The following CSNK2A2IP variants were observed in gnomAD, a reference collection of about 807,000 sequenced individuals.
CSNK2A2IP encodes casein kinase 2 subunit alpha' interacting protein, also known as casein kinase II subunit alpha'-interacting protein.
the CSNK2A2IP span, among the ~76,000 whole-genome samples, chr3:88,427,538 T>TA: frequency 6.6e-6 from 1 of 152,118 alleles, no homozygotes; most frequent in African/African-American, 2.4e-5. Flanking sequence ...GCATAAGAGG[T>TA]AAAAATAGTT....
chr3:88,370,238 G>T, the CSNK2A2IP span, among the ~76,000 whole-genome samples: 1 of 151,872 alleles, frequency 6.6e-6, no homozygotes, highest in Non-Finnish European at 1.5e-5. Context: ...AGGTGCCATA[G>T]TAAACTATAT....
At chr3:88,356,570 A>G in the CSNK2A2IP span, among the ~76,000 whole-genome samples, 6 of 152,144 alleles carry the variant, frequency 3.9e-5, no homozygotes, top group Admixed American at 6.5e-5. Context: ...GCAAGGGTAC[A>G]TATCTCAATA....
chr3:88,446,288 C>T, the CSNK2A2IP span, among the ~76,000 whole-genome samples: 1 of 151,814 alleles, frequency 6.6e-6, no homozygotes, highest in African/African-American at 2.4e-5. Flanking sequence ...TTGAGTTTCA[C>T]CATGTTGGCC....
At chr3:88,381,551 T>G in the CSNK2A2IP span, among the ~76,000 whole-genome samples, 3 of 152,214 alleles carry the variant, frequency 2.0e-5, no homozygotes, top group Non-Finnish European at 2.9e-5. Context: ...AAGGCATTCA[T>G]GGCCTAGCCT....
At chr3:88,405,328 G>A in the CSNK2A2IP span, among the ~76,000 whole-genome samples, 1 of 152,022 alleles carries the variant, frequency 6.6e-6, no homozygotes, top group Non-Finnish European at 1.5e-5. Context: ...ACTTATTCAG[G>A]GAGACTGATC....
the CSNK2A2IP span, among the ~76,000 whole-genome samples, chr3:88,385,505 A>G: frequency 8.2e-6 from 1 of 121,332 alleles, no homozygotes; most frequent in African/African-American, 2.4e-5. Flanking sequence ...ACAACTATGA[A>G]ATAACTTTTT....
the CSNK2A2IP span, among the ~76,000 whole-genome samples, chr3:88,395,125 G>A: frequency 2.0e-5 from 3 of 152,180 alleles, no homozygotes; most frequent in Non-Finnish European, 2.9e-5. Context: ...ATATGCAGAC[G>A]TATATACACA....
chr3:88,368,530 A>G, the CSNK2A2IP span, among the ~76,000 whole-genome samples: 4 of 151,980 alleles, frequency 2.6e-5, no homozygotes, highest in Non-Finnish European at 5.9e-5. Context: ...ATCTTAAATC[A>G]GAAACAAGTT....
the CSNK2A2IP span, among the ~76,000 whole-genome samples, chr3:88,377,294 C>A: frequency 6.6e-6 from 1 of 151,834 alleles, no homozygotes; most frequent in Non-Finnish European, 1.5e-5. Context: ...ACTGGTGCCC[C>A]TTTACCTAGA....
At chr3:88,383,444 A>G in the CSNK2A2IP span, among the ~76,000 whole-genome samples, 2 of 152,180 alleles carry the variant, frequency 1.3e-5, no homozygotes, top group African/African-American at 4.8e-5. Context: ...GGTAAAATAC[A>G]TAAAATACAT....
the CSNK2A2IP span, among the ~76,000 whole-genome samples, chr3:88,434,001 G>A: frequency 8.5e-5 from 13 of 152,170 alleles, no homozygotes; most frequent in East Asian, 2.3e-3. Flanking sequence ...TGTTATTTTT[G>A]AGTCATTTTT....
At chr3:88,405,578 A>T in the CSNK2A2IP span, among the ~76,000 whole-genome samples, 3 of 152,180 alleles carry the variant, frequency 2.0e-5, no homozygotes, top group Non-Finnish European at 4.4e-5. Context: ...TAGGCCTAGG[A>T]ATAATAATAG....
chr3:88,338,992 A>C, the CSNK2A2IP span, among the ~76,000 whole-genome samples: 1 of 152,132 alleles, frequency 6.6e-6, no homozygotes, highest in Non-Finnish European at 1.5e-5. Flanking sequence ...GCAGGCATAC[A>C]ATGTGTAATG....
chr3:88,371,753 T>C, the CSNK2A2IP span, among the ~76,000 whole-genome samples: 2 of 151,750 alleles, frequency 1.3e-5, no homozygotes, highest in South Asian at 2.1e-4. Flanking sequence ...ACACATATTA[T>C]AGTTAAAATG....
the CSNK2A2IP span, among the ~76,000 whole-genome samples, chr3:88,359,027 C>T: frequency 6.7e-6 from 1 of 149,892 alleles, no homozygotes; most frequent in African/African-American, 2.4e-5. Context: ...TGTAAGTACA[C>T]TTACGCGTGC....
chr3:88,344,339 T>G, the CSNK2A2IP span, among the ~76,000 whole-genome samples: 1 of 151,992 alleles, frequency 6.6e-6, no homozygotes, highest in Non-Finnish European at 1.5e-5. Flanking sequence ...CATGTGTCTT[T>G]TATTTCCTCC....
At chr3:88,350,999 A>G in the CSNK2A2IP span, among the ~76,000 whole-genome samples, 5 of 152,256 alleles carry the variant, frequency 3.3e-5, no homozygotes, top group Non-Finnish European at 7.4e-5. Flanking sequence ...GTAATTTGAA[A>G]CTTTTTCCTG....
the CSNK2A2IP span, among the ~76,000 whole-genome samples, chr3:88,423,261 A>G: frequency 6.6e-6 from 1 of 152,226 alleles, no homozygotes; most frequent in Non-Finnish European, 1.5e-5. Context: ...TAATATTCAC[A>G]GGAAATATAA....
At chr3:88,431,864 G>T in the CSNK2A2IP span, among the ~76,000 whole-genome samples, 4 of 152,028 alleles carry the variant, frequency 2.6e-5, no homozygotes, top group African/African-American at 9.7e-5. Context: ...CTATATATTG[G>T]TTATATGACT....
Sources: gnomAD v4.1 joint callset for allele counts (sites outside exome capture counted in the v4.1 genomes callset) on GRCh38, gnomAD v4.1.1 for gene constraint, MANE v1.5 for transcripts, NCBI Gene and HGNC (gene_info 2026-07-23, HGNC 2026-07-21) for gene names.